TEX15: variants seen among roughly 807,000 people sequenced by gnomAD.
The protein encoded by TEX15 is testis-expressed protein 15.
TEX15 carries 171 observed loss-of-function variants against 237.3 expected under a neutral mutation model. The observed-to-expected ratio is 0.72, with a 90% CI of 0.64 to 0.82. TEX15 has a LOEUF of 0.82. TEX15 is among the 40% of genes least tolerant of loss of function. The probability of loss-of-function intolerance (pLI) is 0.00; values close to 1 mark genes in which losing one functional copy is unlikely to be tolerated. For missense variants in TEX15, 3,750 were observed against 3,646.5 expected (o/e 1.03, Z -0.73); for synonymous variants, 1,338 against 1,269.8 (o/e 1.05, Z -1.14).
chr8:30,869,986 T>C (rs1050500726), intron 4 of TEX15, among the ~76,000 whole-genome samples: 2 of 152,008 alleles, frequency 1.3e-5, no homozygotes, highest in Non-Finnish European at 2.9e-5. Flanking sequence ...CCCATGTTTT[T>C]CTGCAGCAAT....
chr8:30,872,379 C>G (rs1311994800), intron 4 of TEX15, among the ~76,000 whole-genome samples: 1 of 152,034 alleles, frequency 6.6e-6, no homozygotes, highest in South Asian at 2.1e-4. Flanking sequence ...GATGGTGGTG[C>G]ACTGCCAGTC....
At chr8:30,841,148 G>A (rs1013197030) in intron 8 of TEX15, among the ~76,000 whole-genome samples, 1 of 152,130 alleles carries the variant, frequency 6.6e-6, no homozygotes, top group African/African-American at 2.4e-5. Flanking sequence ...TTGAACTCCT[G>A]GACTCAAGCA....
chr8:30,874,037 A>C (rs946932024), intron 4 of TEX15, among the ~76,000 whole-genome samples: 1 of 152,184 alleles, frequency 6.6e-6, no homozygotes, highest in African/African-American at 2.4e-5. Flanking sequence ...ATTTTTGATC[A>C]AAGTGTTTTT....
chr8:30,857,533 T>A (rs568864935), intron 7 of TEX15, among the ~76,000 whole-genome samples: 1 of 152,044 alleles, frequency 6.6e-6, no homozygotes, highest in South Asian at 2.1e-4. Flanking sequence ...AGAGCCAATA[T>A]CCAATATGTA....
chr8:30,872,264 T>C (rs933390476), intron 4 of TEX15, among the ~76,000 whole-genome samples: 1 of 152,084 alleles, frequency 6.6e-6, no homozygotes, highest in African/African-American at 2.4e-5. Flanking sequence ...AAAAATACAA[T>C]GGTGGTCCCG....
chr8:30,844,055 GCTTT>G lies in TEX15; in HGVS notation c.6108_6111del (p.Arg2036SerfsTer10). 1 of 1,611,716 alleles carries G rather than the reference GCTTT, an allele frequency of 6.2e-7. No homozygotes were observed. The highest frequency in any genetic ancestry group is 8.5e-7 in the Non-Finnish European group (1 of 1,179,200). The stretch of plus-strand genomic sequence containing the variant: ...AGGATTTGTTCAACTGAACATTCTT[GCTTT>G]CTTTCAAAAGCTTCCACAAATAAAG... On this transcript the variant is annotated frameshift_variant, in exon 8 of 11. Transcript: ENST00000643185. LOFTEE classifies it high-confidence loss of function.
intron 3 of TEX15, among the ~76,000 whole-genome samples, chr8:30,877,744 T>A (rs76966645): frequency 0.022 from 3,332 of 152,282 alleles, 54 homozygotes; most frequent in Middle Eastern, 0.058. Context: ...AGTGGAAACA[T>A]GTAACTATAA....
intron 3 of TEX15, among the ~76,000 whole-genome samples, chr8:30,882,715 G>C (rs982595880): frequency 3.9e-5 from 6 of 152,192 alleles, no homozygotes; most frequent in Admixed American, 3.9e-4. Flanking sequence ...ATGTCAATTA[G>C]ATCCTGTTGA....
intron 9 of TEX15, among the ~76,000 whole-genome samples, chr8:30,838,800 AT>A (rs1807375063): frequency 8.4e-6 from 1 of 119,308 alleles, no homozygotes; most frequent in Non-Finnish European, 1.7e-5. Flanking sequence ...ATATATATAT[AT>A]ATATATATAT....
chr8:30,859,007 C>T (rs1020614454), intron 6 of TEX15, among the ~76,000 whole-genome samples, 177 bp from the exon 7 acceptor site: 1 of 152,032 alleles, frequency 6.6e-6, no homozygotes, highest in African/African-American at 2.4e-5. Flanking sequence ...TTTTCTCCCC[C>T]ACAATTTTTT....
rs576252589 is a variant in TEX15 at position 30,836,173 on chromosome 8, C to T, written c.9481+630G>A. 6.6e-5 allele frequency among the ~76,000 whole-genome samples: 9 copies of T among 136,442 alleles called. No individual in the cohort carries two copies. The East Asian group carries it at 1.8e-3, about 27-fold the overall frequency. The allele number at this position is 136,442 out of a possible 152,430, so 89.5% of individuals were successfully genotyped here. ...TTAAAAAAGTCAGGTCATTAAAAAC[C>T]CTTTAATGGTTGCGTCACATTTCAC... On this transcript the variant is annotated intron_variant, in intron 10 of 10. Coordinates refer to ENST00000643185, the MANE Select transcript of TEX15 (RefSeq NM_001350162.2).
At chr8:30,912,325 C>CGGG (rs142310861) in intron 1 of TEX15, among the ~76,000 whole-genome samples, 1 of 150,898 alleles carries the variant, frequency 6.6e-6, no homozygotes, top group Non-Finnish European at 1.5e-5. Context: ...GGTCCCGGGG[C>CGGG]GGCGGGGCTC....
At chr8:30,901,753 GTC>G (rs1184472935) in intron 1 of TEX15, among the ~76,000 whole-genome samples, 1 of 152,174 alleles carries the variant, frequency 6.6e-6, no homozygotes. Flanking sequence ...AGACAAGTAA[GTC>G]TGAGGAAGTT....
intron 3 of TEX15, among the ~76,000 whole-genome samples, chr8:30,876,014 A>G (rs1808395229): frequency 6.6e-6 from 1 of 151,824 alleles, no homozygotes; most frequent in African/African-American, 2.4e-5. Context: ...TGGGGTCGCT[A>G]TGTTGTCCAA....
chr8:30,843,719 C>G lies in TEX15; in HGVS notation c.6448G>C (p.Val2150Leu). 1 of 1,610,562 alleles carries G rather than the reference C, an allele frequency of 6.2e-7. No individual in the cohort carries two copies. The highest frequency in any genetic ancestry group is 8.5e-7 in the Non-Finnish European group (1 of 1,178,446). ...CTTTTTGTTTCTTCAAGCAATTCAA[C>G]TAATTGATCATGGTAAGTCTGTAAC... ...CELQTYHDQLVELLEETKREK... is the reference protein window; with the variant it reads ...CELQTYHDQLLELLEETKREK... The change falls in exon 8 of 11, where the codon GTT (valine) becomes CTT (leucine). Residue 2150 changes from valine (V) to leucine (L), a missense_variant. By Grantham distance (32) the Val-to-Leu change is conservative (BLOSUM62 1). Transcript: ENST00000643185.
chr8:30,903,827 C>A (rs1401223102), intron 1 of TEX15, among the ~76,000 whole-genome samples: 1 of 152,126 alleles, frequency 6.6e-6, no homozygotes, highest in African/African-American at 2.4e-5. Flanking sequence ...AATTACCTTG[C>A]CAAGGTCCTT....
chr8:30,845,367 T>C lies in TEX15; in HGVS notation c.4800A>G (p.Ala1600=). 1 of 1,611,732 alleles carries C rather than the reference T, an allele frequency of 6.2e-7. No individual in the cohort carries two copies. Among genetic ancestry groups the C allele is most frequent in the East Asian group, 2.2e-5 (1 of 44,848 alleles). ...KHSANHNVKD[A]TKENSCDANE... ...TAGCGTCACAACTGTTTTCTTTAGT[T>C]GCATCTTTAACATTATGATTTGCTG... is the stretch of plus-strand genomic sequence containing the variant. Residue 1600 remains alanine, a synonymous_variant, in exon 8 of 11, where the codon GCA becomes GCG. Coordinates refer to ENST00000643185, the MANE Select transcript of TEX15 (RefSeq NM_001350162.2).
chr8:30,858,663 C>G lies in TEX15; in HGVS notation c.850+5G>C. On this transcript the variant is annotated splice_donor_5th_base_variant and intron_variant, in intron 7 of 10. Coordinates refer to ENST00000643185, the MANE Select transcript of TEX15 (RefSeq NM_001350162.2). ...TAATCAAGTACAATCATATGTGTAT[C>G]TTACCAGCTCTCTTAGGAAATCCTG... The G allele has an allele frequency of 6.5e-7, 1 of 1,527,798 alleles. No individual in the cohort carries two copies. The highest frequency in any genetic ancestry group is 8.7e-7 in the Non-Finnish European group (1 of 1,143,178). 94.6% of individuals were successfully genotyped at this position (1,527,798 alleles called of 1,614,324 possible). A position where few individuals can be genotyped will look rare whatever the true frequency, so the allele number is the denominator to read the frequency against.
At position 30,836,761 on chromosome 8, in the gene TEX15, AG is replaced by A. The variant is rs139134668; in HGVS notation, c.9481+41del. ...ACTTACATAAATGGACACAGTTAAA[AG>A]TAACAACTCAATAAAGCAGGCATTA... On this transcript the variant is annotated intron_variant, in intron 10 of 10. Coordinates refer to ENST00000643185, the MANE Select transcript of TEX15 (RefSeq NM_001350162.2). 2,230 of 1,499,752 alleles carry A rather than the reference AG, an allele frequency of 1.5e-3. 24 individuals are homozygous for A. The African/African-American group carries it at 0.027, about 18-fold the overall frequency. 92.9% of individuals were successfully genotyped at this position (1,499,752 alleles called of 1,614,324 possible). A position where few individuals can be genotyped will look rare whatever the true frequency, so the allele number is the denominator to read the frequency against.
Sources: allele counts gnomAD v4.1 joint callset (sites outside exome capture counted in the v4.1 genomes callset), GRCh38; gene constraint gnomAD v4.1.1; transcripts MANE v1.5; gene names NCBI Gene and HGNC (gene_info 2026-07-23, HGNC 2026-07-21).